Variants in TP63 observed in about 807,000 individuals in gnomAD.
The protein encoded by TP63 is tumor protein 63.
Under a neutral mutation model 82.8 loss-of-function variants are expected in TP63, and 17 were observed. The ratio of observed to expected loss-of-function variants is 0.21; its 90% CI spans 0.14 to 0.31. The LOEUF is 0.31. TP63 is among the 10% of genes least tolerant of loss of function. The pLI, the probability that TP63 is intolerant of heterozygous loss-of-function variation, is 1.00. For missense variants in TP63, 648 were observed against 895.3 expected (o/e 0.72, Z 3.52); for synonymous variants, 330 against 321.7 (o/e 1.03, Z -0.28).
chr3:189,755,733 A>G (rs1722140410), intron 3 of TP63, among the ~76,000 whole-genome samples: 1 of 152,164 alleles, frequency 6.6e-6, no homozygotes, highest in Non-Finnish European at 1.5e-5. Flanking sequence ...GTTTGTTATC[A>G]GTTTACATTC....
At chr3:189,744,093 C>G (rs1009302493) in intron 3 of TP63, among the ~76,000 whole-genome samples, 9 of 152,196 alleles carry the variant, frequency 5.9e-5, no homozygotes, top group African/African-American at 2.2e-4. Flanking sequence ...CCATGCATCT[C>G]CACATCCTTG....
intron 3 of TP63, among the ~76,000 whole-genome samples, chr3:189,741,460 CT>C (rs34194596): frequency 0.057 from 8,737 of 152,116 alleles, 317 homozygotes; most frequent in African/African-American, 0.097. Context: ...GTGTGAGAGT[CT>C]TTTTTCCCAT....
At chr3:189,860,628 A>G (rs1312085531) in intron 4 of TP63, among the ~76,000 whole-genome samples, 1 of 152,236 alleles carries the variant, frequency 6.6e-6, no homozygotes, top group Non-Finnish European at 1.5e-5. Flanking sequence ...AGCAATAAAC[A>G]TAATGCATCT....
At chr3:189,888,543 G>T (rs573698720) in intron 11 of TP63, among the ~76,000 whole-genome samples, 1 of 152,254 alleles carries the variant, frequency 6.6e-6, no homozygotes, top group South Asian at 2.1e-4. Flanking sequence ...TAGTGGCAAA[G>T]ACCTTTTCTA....
At chr3:189,767,759 C>A (rs772858973) in intron 3 of TP63, among the ~76,000 whole-genome samples, 2 of 152,044 alleles carry the variant, frequency 1.3e-5, no homozygotes, top group African/African-American at 2.4e-5. Context: ...GGCTTAATTA[C>A]AGGAGAAAAG....
At chr3:189,842,791 G>A (rs1044773674) in intron 4 of TP63, among the ~76,000 whole-genome samples, 1 of 152,152 alleles carries the variant, frequency 6.6e-6, no homozygotes, top group Non-Finnish European at 1.5e-5. Context: ...TGATGGTCGT[G>A]ACTTTAGGAA....
chr3:189,770,960 C>T (rs1464043206), intron 3 of TP63, among the ~76,000 whole-genome samples: 3 of 152,068 alleles, frequency 2.0e-5, no homozygotes, highest in Non-Finnish European at 4.4e-5. Flanking sequence ...TTTAAAAAGT[C>T]ATTTCACATC....
intron 1 of TP63, among the ~76,000 whole-genome samples, chr3:189,691,719 T>A (rs933718471): frequency 2.0e-5 from 3 of 152,208 alleles, no homozygotes; most frequent in Non-Finnish European, 2.9e-5. Context: ...TAAGAGTCTA[T>A]ACTACAGTCC....
chr3:189,725,607 G>A (rs898766332), intron 1 of TP63, among the ~76,000 whole-genome samples: 1 of 152,008 alleles, frequency 6.6e-6, no homozygotes, highest in African/African-American at 2.4e-5. Flanking sequence ...CACTTTGAAG[G>A]GAACCACACG....
At chr3:189,844,372 G>A (rs773576244) in intron 4 of TP63, 56 of 361,830 alleles carry the variant, frequency 1.5e-4, no homozygotes, top group Admixed American at 1.2e-3. Context: ...TGCAACCTCC[G>A]CCTTCTGGAT....
chr3:189,682,315 A>G (rs539800731), intron 1 of TP63, among the ~76,000 whole-genome samples: 5 of 151,422 alleles, frequency 3.3e-5, no homozygotes, highest in African/African-American at 1.2e-4. Flanking sequence ...GAGGAAAATT[A>G]ATAATAAACT....
At chr3:189,637,741 G>A (rs1051471311) in intron 1 of TP63, among the ~76,000 whole-genome samples, 2 of 152,048 alleles carry the variant, frequency 1.3e-5, no homozygotes, top group African/African-American at 2.4e-5. Flanking sequence ...TAATAGTCTC[G>A]AAAGATAGCC....
chr3:189,656,979 A>G (rs1323403468), intron 1 of TP63, among the ~76,000 whole-genome samples: 1 of 151,196 alleles, frequency 6.6e-6, no homozygotes, highest in Non-Finnish European at 1.5e-5. Flanking sequence ...ATACAATGAA[A>G]TATTACTCAG....
At chr3:189,888,011 C>A (rs957754169) in intron 11 of TP63, among the ~76,000 whole-genome samples, 1 of 152,124 alleles carries the variant, frequency 6.6e-6, no homozygotes, top group Non-Finnish European at 1.5e-5. Context: ...CGTGCACCAC[C>A]ACGCCCGGCT....
intron 1 of TP63, among the ~76,000 whole-genome samples, chr3:189,637,514 T>C (rs1729858129): frequency 6.6e-6 from 1 of 152,156 alleles, no homozygotes; most frequent in South Asian, 2.1e-4. Context: ...GGAATCTGAA[T>C]CCCAGAGTGG....
intron 3 of TP63, among the ~76,000 whole-genome samples, chr3:189,802,187 GA>G (rs1726384018): frequency 6.6e-6 from 1 of 152,288 alleles, no homozygotes; most frequent in Admixed American, 6.5e-5. Flanking sequence ...TTTGGGGATG[GA>G]AATGTAGTAC....
chr3:189,864,541 CTTTTTTTT>C (rs10714778), intron 5 of TP63, 123 bp downstream of exon 5: 1,454 of 215,096 alleles, frequency 6.8e-3, no homozygotes, highest in Middle Eastern at 0.02. Context: ...ATCAGTCTGC[CTTTTTTTT>C]TTTTTTTTTT....
intron 1 of TP63, among the ~76,000 whole-genome samples, chr3:189,665,914 TGAA>T (rs1258241499): frequency 6.6e-6 from 1 of 152,066 alleles, no homozygotes; most frequent in Admixed American, 6.6e-5. Flanking sequence ...AAGCATTATT[TGAA>T]CCTGGGTCAA....
intron 4 of TP63, among the ~76,000 whole-genome samples, chr3:189,824,028 T>C (rs1729070228): frequency 6.6e-6 from 1 of 152,038 alleles, no homozygotes. Flanking sequence ...AAAAGCCTAA[T>C]AGCCCCCCAA....
Sources: gnomAD v4.1 joint callset for allele counts (sites outside exome capture counted in the v4.1 genomes callset) on GRCh38, gnomAD v4.1.1 for gene constraint, MANE v1.5 for transcripts, NCBI Gene and HGNC (gene_info 2026-07-23, HGNC 2026-07-21) for gene names.